DPYS: variants seen among roughly 807,000 people sequenced by gnomAD.
DPYS encodes the protein dihydropyrimidinase.
A neutral mutation model predicts 50.3 loss-of-function variants in DPYS; 39 were observed. The observed-to-expected ratio is 0.78, with a 90% confidence interval of 0.60 to 1.01. DPYS has a LOEUF of 1.01. DPYS is among the 50% of genes least tolerant of loss of function. The pLI is 0.00. For synonymous variants in DPYS, 245 were observed against 250.7 expected (o/e 0.98, Z 0.22); for missense variants, 659 against 680.9 (o/e 0.97, Z 0.36).
At chr8:104,442,955 G>A (rs181831756) in intron 4 of DPYS, among the ~76,000 whole-genome samples, 86 of 152,280 alleles carry the variant, frequency 5.6e-4, no homozygotes, top group African/African-American at 1.5e-3. Context: ...CCAGCTACTT[G>A]GGAGACTGAG....
intron 4 of DPYS, among the ~76,000 whole-genome samples, chr8:104,436,234 C>T (rs1291006088): frequency 1.3e-5 from 2 of 152,130 alleles, no homozygotes; most frequent in East Asian, 1.9e-4. Flanking sequence ...CGTCAACATA[C>T]GGACAGCCAA....
rs112346434 is a variant in DPYS, at chr8:104,464,325, A to G, written c.264+2332T>C. Among the ~76,000 whole-genome samples, 816 of 152,326 alleles carry G rather than the reference A, an allele frequency of 5.4e-3. 11 individuals are homozygous for G. Among genetic ancestry groups the G allele is most frequent in the African/African-American group, 0.019 (771 of 41,578 alleles). On this transcript the variant is annotated intron_variant, in intron 1 of 9. Transcript: ENST00000351513. ...CTAAGGAAAAGATAGAAGACCAAGA[A>G]CCACTTCCCAGGACCTTGGGGCACG...
intron 1 of DPYS, among the ~76,000 whole-genome samples, chr8:104,455,524 G>C (rs1254713140): frequency 2.0e-5 from 3 of 152,310 alleles, no homozygotes; most frequent in South Asian, 4.1e-4. Context: ...GAATGAAGTG[G>C]GGAACATCCT....
chr8:104,437,153 G>A (rs979840603), intron 4 of DPYS, among the ~76,000 whole-genome samples: 50 of 152,126 alleles, frequency 3.3e-4, no homozygotes, highest in African/African-American at 1.2e-3. Context: ...GAATATGGAG[G>A]AAAATACAGA....
intron 6 of DPYS, among the ~76,000 whole-genome samples, chr8:104,425,672 G>A (rs111876779): frequency 1.9e-4 from 29 of 152,266 alleles, no homozygotes; most frequent in African/African-American, 6.3e-4. Context: ...TCAATTTTAT[G>A]CAATTGAAGT....
Position 104,381,260 on chromosome 8 carries a change from G to T in DPYS, c.1498C>A (p.Leu500Met), listed in dbSNP as rs981283879. The T allele has an allele frequency of 1.2e-6, 2 of 1,614,186 alleles. No homozygotes were observed. The highest frequency in any genetic ancestry group is 1.7e-6 in the Non-Finnish European group (2 of 1,180,018). ...TCTTCTTTTGTCACTCTGGATTTCA[G>T]TGTGGCGACTTCTCCCTTATAGGGT... ...RAPYKGEVAT[L>M]KSRVTKEDAT... The change falls in exon 9 of 10, where the codon CTG (leucine) becomes ATG (methionine). Residue 500 changes from leucine to methionine, a missense_variant. Physicochemically the swap from Leu to Met is conservative, Grantham distance 15. Coordinates refer to ENST00000351513, the MANE Select transcript of DPYS (RefSeq NM_001385.3).
At chr8:104,430,950 T>A (rs886892520) in intron 4 of DPYS, among the ~76,000 whole-genome samples, 1 of 152,070 alleles carries the variant, frequency 6.6e-6, no homozygotes, top group African/African-American at 2.4e-5. Context: ...TTTCTAAATA[T>A]AGAATATGCC....
intron 2 of DPYS, 104 bp from the exon 3 acceptor site, chr8:104,447,607 A>C: frequency 7.6e-7 from 1 of 1,315,944 alleles, no homozygotes. Flanking sequence ...AAGTAAAATA[A>C]GGAAAATAAG....
chr8:104,379,461 C>T lies in DPYS; in HGVS notation c.*397G>A, dbSNP rs1810959198. ...TGAAGATCTCAATGTTTATTAATTA[C>T]AATAAAAAGTAAAATCACAGAGCTA... is the stretch of plus-strand genomic sequence containing the variant. On this transcript the variant is annotated 3_prime_UTR_variant, in exon 10 of 10. Transcript: ENST00000351513. The T allele has an allele frequency of 5.9e-6, 1 of 170,766 alleles. No individual in the cohort carries two copies. Among genetic ancestry groups the T allele is most frequent in the Non-Finnish European group, 1.3e-5 (1 of 79,880 alleles). 10.6% of individuals were successfully genotyped at this position (170,766 alleles called of 1,614,324 possible). A position where few individuals can be genotyped will look rare whatever the true frequency, so the allele number is the denominator to read the frequency against.
chr8:104,451,102 T>C (rs2140734233), intron 2 of DPYS, 144 bp downstream of exon 2: 1 of 1,000,466 alleles, frequency 1.0e-6, no homozygotes, highest in Non-Finnish European at 1.5e-6. Flanking sequence ...ATTCAAAAGA[T>C]ACAAAAGAAT....
intron 8 of DPYS, among the ~76,000 whole-genome samples, chr8:104,384,358 T>A (rs960135763): frequency 1.3e-5 from 2 of 152,226 alleles, no homozygotes; most frequent in African/African-American, 4.8e-5. Flanking sequence ...CTTTGTGCTG[T>A]CTGTCACTTC....
chr8:104,444,111 G>T (rs1254712684), intron 4 of DPYS, 137 bp downstream of exon 4: 23 of 914,770 alleles, frequency 2.5e-5, no homozygotes, highest in Non-Finnish European at 3.6e-5. Context: ...ATGAAACCAG[G>T]AGGCTAATAA....
At chr8:104,387,886 C>T (rs1395106176) in intron 8 of DPYS, among the ~76,000 whole-genome samples, 3 of 152,196 alleles carry the variant, frequency 2.0e-5, no homozygotes, top group South Asian at 4.1e-4. Context: ...AAAGCCCTAA[C>T]TTAAAGCACC....
At chr8:104,428,648 A>G (rs1812822580) in intron 5 of DPYS, among the ~76,000 whole-genome samples, 1 of 152,168 alleles carries the variant, frequency 6.6e-6, no homozygotes, top group African/African-American at 2.4e-5. Context: ...ATTACCAGGG[A>G]CAGGAATCCT....
intron 8 of DPYS, among the ~76,000 whole-genome samples, chr8:104,391,926 A>T (rs886352036): frequency 2.7e-5 from 4 of 148,418 alleles, no homozygotes; most frequent in African/African-American, 7.8e-5. Context: ...CCTTTCATTT[A>T]AAAAAAAACC....
Position 104,466,991 on chromosome 8 carries a change from C to A in DPYS, c.-71G>T. On this transcript the variant is annotated 5_prime_UTR_variant, in exon 1 of 10. Transcript: ENST00000351513. ...GGCTGGGTTGGGCGGGCCGGGCGGG[C>A]TTGGGGTGCCCTCCTGCAAGGTCCC... 1.4e-5 allele frequency: 19 copies of A among 1,359,138 alleles called. No homozygotes were observed. The highest frequency in any genetic ancestry group is 1.8e-5 in the Non-Finnish European group (19 of 1,062,162). 84.2% of individuals were successfully genotyped at this position (1,359,138 alleles called of 1,614,324 possible).
chr8:104,454,087 G>A (rs555626520), intron 1 of DPYS, among the ~76,000 whole-genome samples: 14 of 152,204 alleles, frequency 9.2e-5, no homozygotes, highest in African/African-American at 3.4e-4. Flanking sequence ...TTCTTTTGGG[G>A]GTATCAAAAG....
intron 7 of DPYS, among the ~76,000 whole-genome samples, chr8:104,414,235 G>A (rs1812290902): frequency 1.3e-5 from 2 of 152,176 alleles, no homozygotes; most frequent in South Asian, 2.1e-4. Context: ...CAAAGGTATA[G>A]AGAACTCCAT....
At chr8:104,394,304 T>C (rs1441779772) in intron 7 of DPYS, among the ~76,000 whole-genome samples, 1 of 152,172 alleles carries the variant, frequency 6.6e-6, no homozygotes. Flanking sequence ...GGCCTGTTCC[T>C]TGGTCTAACT....
Sources: allele counts gnomAD v4.1 joint callset (sites outside exome capture counted in the v4.1 genomes callset), GRCh38; gene constraint gnomAD v4.1.1; transcripts MANE v1.5; gene names NCBI Gene and HGNC (gene_info 2026-07-23, HGNC 2026-07-21).